Variants in TMEM181 observed in about 807,000 individuals in gnomAD.
TMEM181 encodes the protein transmembrane protein 181.
A neutral mutation model predicts 71.9 loss-of-function variants in TMEM181; 39 were observed. The observed-to-expected ratio is 0.54, with a 90% CI of 0.42 to 0.71. The LOEUF (loss-of-function observed/expected upper bound fraction) is 0.71. Ranked by LOEUF, TMEM181 falls within the 30% of genes least tolerant of loss-of-function variation. TMEM181 has a pLI of 0.00. For synonymous variants in TMEM181, 245 were observed against 228.8 expected (o/e 1.07, Z -0.64); for missense variants, 595 against 583.0 (o/e 1.02, Z -0.21).
At chr6:158,618,299 A>G (rs79937644) in intron 10 of TMEM181, among the ~76,000 whole-genome samples, 24,776 of 150,652 alleles carry the variant, frequency 0.16, 2,151 homozygotes, top group African/African-American at 0.21. Flanking sequence ...TAGGATTGCA[A>G]CCCCTGCTTT....
chr6:158,590,746 G>A (rs983487013), intron 6 of TMEM181, among the ~76,000 whole-genome samples: 2 of 152,254 alleles, frequency 1.3e-5, no homozygotes, highest in African/African-American at 4.8e-5. Flanking sequence ...GCAGGCGTGA[G>A]CCACCGCGCC....
At chr6:158,612,024 T>A (rs973248157) in intron 10 of TMEM181, among the ~76,000 whole-genome samples, 1 of 151,044 alleles carries the variant, frequency 6.6e-6, no homozygotes, top group Non-Finnish European at 1.5e-5. Flanking sequence ...CTTAGCGCAT[T>A]TAAAGGGAAA....
At chr6:158,545,455 G>T (rs143209808) in intron 1 of TMEM181, among the ~76,000 whole-genome samples, 1 of 152,352 alleles carries the variant, frequency 6.6e-6, no homozygotes, top group East Asian at 1.9e-4. Context: ...AGGGCTGATC[G>T]CCTGCCTCTG....
intron 1 of TMEM181, among the ~76,000 whole-genome samples, chr6:158,549,110 CTTTTTTTTT>C (rs33969411): frequency 4.4e-5 from 3 of 67,514 alleles, no homozygotes; most frequent in East Asian, 4.5e-4. Flanking sequence ...GTGCACACTT[CTTTTTTTTT>C]TTTTTTTTTT....
At chr6:158,625,801 T>C (rs761195495) in intron 13 of TMEM181, 47 bp downstream of exon 13, 37 of 1,538,256 alleles carry the variant, frequency 2.4e-5, no homozygotes, top group Non-Finnish European at 3.0e-5. Context: ...AATTTTTCTT[T>C]TACTGTCAGG....
At chr6:158,582,855 T>G (rs912772071) in intron 3 of TMEM181, among the ~76,000 whole-genome samples, 3 of 152,028 alleles carry the variant, frequency 2.0e-5, no homozygotes, top group African/African-American at 7.2e-5. Flanking sequence ...CTCTAATTTT[T>G]CTCCCCAGGG....
intron 2 of TMEM181, among the ~76,000 whole-genome samples, chr6:158,580,187 G>A (rs35086472): frequency 0.25 from 37,306 of 151,944 alleles, 4,871 homozygotes; most frequent in Middle Eastern, 0.3. Flanking sequence ...AAAATTAGCC[G>A]GGCGTGGTGG....
chr6:158,608,879 CTT>C, intron 10 of TMEM181, 129 bp downstream of exon 10: 1 of 845,052 alleles, frequency 1.2e-6, no homozygotes. Flanking sequence ...AGGCAAGTCA[CTT>C]GAGCTCAGGA....
chr6:158,568,511 C>T (rs1562624904), intron 1 of TMEM181, among the ~76,000 whole-genome samples: 1 of 152,078 alleles, frequency 6.6e-6, no homozygotes, highest in Non-Finnish European at 1.5e-5. Flanking sequence ...GGCCTGGGGT[C>T]AGGGACCCCC....
At chr6:158,606,953 C>A (rs796531786) in intron 7 of TMEM181, among the ~76,000 whole-genome samples, 2 of 152,234 alleles carry the variant, frequency 1.3e-5, no homozygotes, top group Non-Finnish European at 2.9e-5. Context: ...GGTGGGTCCT[C>A]TTTCCTTTTG....
At chr6:158,598,378 TTGAC>T (rs1353511733) in intron 6 of TMEM181, among the ~76,000 whole-genome samples, 5 of 152,178 alleles carry the variant, frequency 3.3e-5, no homozygotes, top group African/African-American at 9.7e-5. Flanking sequence ...GCCATGACCT[TTGAC>T]TGGGGAGTGA....
At chr6:158,581,965 T>G (rs1783508382) in intron 3 of TMEM181, among the ~76,000 whole-genome samples, 1 of 152,102 alleles carries the variant, frequency 6.6e-6, no homozygotes, top group Admixed American at 6.6e-5. Context: ...ATATATAGTT[T>G]AAATCTGATT....
At chr6:158,594,798 C>T (rs1039868967) in intron 6 of TMEM181, among the ~76,000 whole-genome samples, 1 of 152,136 alleles carries the variant, frequency 6.6e-6, no homozygotes, top group Non-Finnish European at 1.5e-5. Flanking sequence ...AGCGATTCTC[C>T]TGCCTCAGCC....
intron 6 of TMEM181, among the ~76,000 whole-genome samples, chr6:158,591,357 C>G (rs1208554660): frequency 6.6e-6 from 1 of 152,028 alleles, no homozygotes; most frequent in African/African-American, 2.4e-5. Context: ...TGGCCCTGGG[C>G]TGTGCTGCTG....
At chr6:158,547,255 C>A (rs1283623566) in intron 1 of TMEM181, among the ~76,000 whole-genome samples, 1 of 152,202 alleles carries the variant, frequency 6.6e-6, no homozygotes, top group East Asian at 1.9e-4. Context: ...GCACTTCAGC[C>A]TGGGCAACAG....
chr6:158,607,719 G>C (rs1221661458), intron 8 of TMEM181, among the ~76,000 whole-genome samples: 1 of 152,166 alleles, frequency 6.6e-6, no homozygotes, highest in East Asian at 1.9e-4. Context: ...GATGGCCTAG[G>C]CCCAGAAGAG....
Position 158,571,339 on chromosome 6 carries a change from G to GCCCGCCTTGGCCT in TMEM181, c.9-2078_9-2077insGCCTTGGCCTCCC, listed in dbSNP as rs1562627008. ...TCTCGATCTCCTGACCTTGTGATCC[G>GCCCGCCTTGGCCT]CCCACCTTGGCCTCCCAAAGTGCTG... is the stretch of plus-strand genomic sequence containing the variant. On this transcript the variant is annotated intron_variant, in intron 1 of 16. Transcript: ENST00000684151. Among the ~76,000 whole-genome samples the GCCCGCCTTGGCCT allele has an allele frequency of 3.2e-4, 48 of 149,556 alleles. 1 individual carries two copies. The highest frequency in any genetic ancestry group is 1.2e-3 in the African/African-American group (48 of 40,566).
In TMEM181 at chr6:158,545,366, C is replaced by T. The variant is rs1781493389; in HGVS notation, c.131+8501C>T. Reference sequence around the variant, plus strand: ...GGGACTGGCCTCCCCTGGCCTTGTCCTGACTTGGAAAGTCGTGGCAAGTGA... The same window carrying T: ...GGGACTGGCCTCCCCTGGCCTTGTCTTGACTTGGAAAGTCGTGGCAAGTGA... On this transcript the variant is annotated intron_variant, in intron 1 of 16. Coordinates refer to the TMEM181 transcript ENST00000367090. 3.9e-5 allele frequency among the ~76,000 whole-genome samples: 6 copies of T among 152,280 alleles called. No individual in the cohort carries two copies. The South Asian group carries it at 1.2e-3, about 32-fold the overall frequency.
chr6:158,536,982 C>A, intron 1 of TMEM181: 2 of 526,814 alleles, frequency 3.8e-6, no homozygotes, highest in Non-Finnish European at 2.4e-6. Flanking sequence ...CTCCGCCGGC[C>A]GGGCGCGGAG....
Sources: allele counts gnomAD v4.1 joint callset (sites outside exome capture counted in the v4.1 genomes callset), GRCh38; gene constraint gnomAD v4.1.1; transcripts MANE v1.5; gene names NCBI Gene and HGNC (gene_info 2026-07-23, HGNC 2026-07-21).